The following ZNF280D variants were observed in gnomAD, a reference collection of about 807,000 sequenced individuals.
The protein encoded by ZNF280D is zinc finger protein 280D.
A neutral mutation model predicts 94.7 loss-of-function variants in ZNF280D; 39 were observed. The ratio of observed to expected loss-of-function variants is 0.41; its 90% CI spans 0.32 to 0.54. The LOEUF is 0.54. Ranked by LOEUF, ZNF280D falls within the 20% of genes least tolerant of loss-of-function variation. The pLI is 0.22. For synonymous variants in ZNF280D, 398 were observed against 377.6 expected, an observed-to-expected ratio of 1.05 and a Z score of -0.63; for missense variants, 1,090 against 1,149.3, an observed-to-expected ratio of 0.95 and a Z score of 0.75.
At chr15:56,675,875 T>A (rs2055197605) in intron 13 of ZNF280D, among the ~76,000 whole-genome samples, 1 of 152,040 alleles carries the variant, frequency 6.6e-6, no homozygotes, top group Non-Finnish European at 1.5e-5. Context: ...ATTCGGTAAA[T>A]CCATTGGTTT....
Position 56,707,296 on chromosome 15 carries a change from T to G in ZNF280D, c.-75A>C. ...TCCAGACAAGCCAGCAAGTTATTTC[T>G]GTTTTCCTTCCTATAAAATAAAGAT... On this transcript the variant is annotated 5_prime_UTR_variant, in exon 2 of 22. Transcript: ENST00000267807. 6.5e-7 allele frequency: 1 copy of G among 1,531,504 alleles called. No individual in the cohort carries two copies. The highest frequency in any genetic ancestry group is 8.7e-7 in the Non-Finnish European group (1 of 1,142,966). 94.9% of individuals were successfully genotyped at this position (1,531,504 alleles called of 1,614,324 possible).
chr15:56,691,948 T>C (rs1487330136), intron 7 of ZNF280D, among the ~76,000 whole-genome samples: 1 of 152,110 alleles, frequency 6.6e-6, no homozygotes, highest in Non-Finnish European at 1.5e-5. Context: ...TTAGGTAACT[T>C]AATAGAGACT....
intron 6 of ZNF280D, among the ~76,000 whole-genome samples, chr15:56,695,206 G>T (rs899349110): frequency 2.6e-5 from 4 of 151,942 alleles, no homozygotes; most frequent in African/African-American, 9.7e-5. Context: ...CTGAGTAGCT[G>T]GGACTACAGG....
At chr15:56,701,635 G>C (rs2057078354) in intron 4 of ZNF280D, among the ~76,000 whole-genome samples, 1 of 151,972 alleles carries the variant, frequency 6.6e-6, no homozygotes, top group South Asian at 2.1e-4. Flanking sequence ...TGATGACAGG[G>C]CTGTTACATA....
At position 56,666,462 on chromosome 15, in the gene ZNF280D, A is replaced by G. The variant is rs758090692; in HGVS notation, c.1927T>C (p.Tyr643His). The change falls in exon 16 of 22, where the codon TAC becomes CAC. Residue 643 changes from tyrosine to histidine, a missense_variant. This residue lies in a region of ZNF280D where 577 missense variants were observed against 568.8 expected (regional missense o/e 1.01). Transcript: ENST00000267807. ...TATCTGCAAAAACTACAGTGGACGT[A>G]CGTAGGAAAGTGGTTTGCAAAATCT... is the stretch of plus-strand genomic sequence containing the variant. ...IKDFANHFPTYVHCSFCRYNT... is the reference protein window; with the variant it reads ...IKDFANHFPTHVHCSFCRYNT... The G allele has an allele frequency of 3.1e-6, 5 of 1,603,140 alleles. No homozygotes were observed. In the South Asian group the frequency reaches 5.7e-5, roughly 18 times the overall value.
chr15:56,722,667 TGGCGA>T (rs1448116488), intron 1 of ZNF280D, among the ~76,000 whole-genome samples: 1 of 152,210 alleles, frequency 6.6e-6, no homozygotes, highest in African/African-American at 2.4e-5. Context: ...GAAGTCAGTG[TGGCGA>T]TTCCTCAAGG....
intron 4 of ZNF280D, 106 bp from the exon 5 acceptor site, chr15:56,701,344 T>G: frequency 6.7e-6 from 5 of 742,752 alleles, no homozygotes; most frequent in Non-Finnish European, 1.1e-5. Context: ...ATGGAAGGAG[T>G]ATATAACTAA....
At chr15:56,726,202 T>C (rs1247319356) in intron 1 of ZNF280D, among the ~76,000 whole-genome samples, 2 of 121,978 alleles carry the variant, frequency 1.6e-5, no homozygotes, top group South Asian at 2.9e-4. Context: ...TGTATTAAAG[T>C]ACAACAGGCT....
At chr15:56,706,335 A>T (rs1238341653) in intron 3 of ZNF280D, among the ~76,000 whole-genome samples, 1 of 151,084 alleles carries the variant, frequency 6.6e-6, no homozygotes, top group Non-Finnish European at 1.5e-5. Context: ...AAAATTAGCC[A>T]GGCGTGGTGG....
At chr15:56,653,866 C>T (rs1269481314) in intron 19 of ZNF280D, 2 of 1,236,248 alleles carry the variant, frequency 1.6e-6, no homozygotes, top group African/African-American at 1.6e-5. Context: ...GATATGTCAA[C>T]CTGACACAAA....
At chr15:56,690,405 C>T (rs2056357721) in intron 7 of ZNF280D, among the ~76,000 whole-genome samples, 1 of 151,812 alleles carries the variant, frequency 6.6e-6, no homozygotes, top group African/African-American at 2.4e-5. Flanking sequence ...AAACAAAGGA[C>T]ACATAATGGA....
At chr15:56,672,637 T>TG (rs1566964769) in intron 13 of ZNF280D, among the ~76,000 whole-genome samples, 81 of 152,022 alleles carry the variant, frequency 5.3e-4, no homozygotes, top group African/African-American at 1.9e-3. Flanking sequence ...GCCTGAAGTT[T>TG]TGTGTGTGTG....
chr15:56,708,210 T>A (rs193204535), intron 1 of ZNF280D, among the ~76,000 whole-genome samples: 4 of 152,312 alleles, frequency 2.6e-5, no homozygotes, highest in Admixed American at 2.6e-4. Flanking sequence ...ACTGAATTAC[T>A]ACAAAGGAAA....
chr15:56,644,168 T>C lies in ZNF280D; in HGVS notation c.2214-1171A>G, dbSNP rs1468403633. 2.0e-5 allele frequency among the ~76,000 whole-genome samples: 3 copies of C among 152,048 alleles called. No homozygotes were observed. The East Asian group carries it at 5.8e-4, about 29-fold the overall frequency. On this transcript the variant is annotated intron_variant, in intron 19 of 21. Coordinates refer to ENST00000267807, the MANE Select transcript of ZNF280D (RefSeq NM_017661.4). The stretch of plus-strand genomic sequence containing the variant: ...CCACTATATTGGCAGTGCACTACAA[T>C]AATTTACAACCAACTTGTTAAGCCA...
At chr15:56,683,956 G>C (rs750095886) in intron 9 of ZNF280D, among the ~76,000 whole-genome samples, 3 of 152,182 alleles carry the variant, frequency 2.0e-5, no homozygotes, top group Non-Finnish European at 4.4e-5. Flanking sequence ...ATCTTAAAGG[G>C]TCAGTAAAAA....
At chr15:56,688,915 A>G (rs1197269666) in intron 9 of ZNF280D, 126 bp downstream of exon 9, 13 of 566,176 alleles carry the variant, frequency 2.3e-5, no homozygotes, top group Admixed American at 3.8e-5. Context: ...ATGAATGTAA[A>G]TTTTTATTTA....
intron 19 of ZNF280D, chr15:56,652,782 T>C (rs2053284014): frequency 1.0e-6 from 1 of 984,856 alleles, no homozygotes; most frequent in South Asian, 4.7e-5. Flanking sequence ...ATTAAGGTAA[T>C]ATTAATAATA....
Position 56,630,803 on chromosome 15 carries a change from A to G in ZNF280D, c.*695T>C, listed in dbSNP as rs2052043773. ...CACAAATATAAATTTATATCTTAAT[A>G]ATTCCACTTTCACTGAAAGTTTAAT... On this transcript the variant is annotated 3_prime_UTR_variant, in exon 22 of 22. Coordinates refer to ENST00000267807, the MANE Select transcript of ZNF280D (RefSeq NM_017661.4). 1.3e-5 allele frequency: 2 copies of G among 152,210 alleles called. No homozygotes were observed. Among genetic ancestry groups the G allele is most frequent in the Non-Finnish European group, 2.9e-5 (2 of 68,036 alleles). The allele number at this position is 152,210 out of a possible 1,614,324, so 9.4% of individuals were successfully genotyped here. A position where few individuals can be genotyped will look rare whatever the true frequency, so the allele number is the denominator to read the frequency against.
At chr15:56,701,927 T>C (rs2057099963) in intron 4 of ZNF280D, among the ~76,000 whole-genome samples, 2 of 151,402 alleles carry the variant, frequency 1.3e-5, no homozygotes, top group African/African-American at 2.4e-5. Context: ...CATTCTTGCA[T>C]GCATGTAAAC....
Sources: allele counts gnomAD v4.1 joint callset (sites outside exome capture counted in the v4.1 genomes callset), GRCh38; gene constraint gnomAD v4.1.1; regional missense constraint gnomAD v4.1.1; transcripts MANE v1.5; gene names NCBI Gene and HGNC (gene_info 2026-07-23, HGNC 2026-07-21).